Variants in CAMTA1 observed in about 807,000 individuals in gnomAD.
CAMTA1 encodes calmodulin-binding transcription activator 1.
CAMTA1 carries 27 observed loss-of-function variants against 170.9 expected under a neutral mutation model. That is an observed-to-expected ratio of 0.16 (90% CI 0.12 to 0.22). CAMTA1 has a LOEUF of 0.22. Ranked by LOEUF, CAMTA1 falls within the 10% of genes least tolerant of loss-of-function variation. CAMTA1 has a pLI of 1.00. For synonymous variants in CAMTA1, 833 were observed against 891.5 expected (o/e 0.93, Z 1.17); for missense variants, 1,619 against 2,217.2 (o/e 0.73, Z 5.42).
intron 6 of CAMTA1, among the ~76,000 whole-genome samples, chr1:7,509,631 T>C (rs1265261407): frequency 1.3e-5 from 2 of 152,180 alleles, no homozygotes; most frequent in Non-Finnish European, 2.9e-5. Context: ...AGAGTTTCCA[T>C]TATAAACCCC....
At chr1:7,450,793 G>A (rs975708544) in intron 5 of CAMTA1, among the ~76,000 whole-genome samples, 8 of 152,196 alleles carry the variant, frequency 5.3e-5, no homozygotes, top group East Asian at 3.9e-4. Flanking sequence ...TCTGGAGCCC[G>A]CGGACCCATC....
chr1:7,489,441 C>T (rs1226856168), intron 6 of CAMTA1, among the ~76,000 whole-genome samples: 1 of 152,156 alleles, frequency 6.6e-6, no homozygotes. Flanking sequence ...CATTGGCATG[C>T]AGGGCACTGG....
At chr1:6,851,845 C>G (rs947735439) in intron 3 of CAMTA1, among the ~76,000 whole-genome samples, 3 of 152,054 alleles carry the variant, frequency 2.0e-5, no homozygotes, top group Non-Finnish European at 4.4e-5. Flanking sequence ...GAAACCCTGT[C>G]TCTACTAAAA....
intron 3 of CAMTA1, among the ~76,000 whole-genome samples, chr1:7,062,803 C>A (rs1274729181): frequency 6.6e-6 from 1 of 152,232 alleles, no homozygotes; most frequent in Non-Finnish European, 1.5e-5. Flanking sequence ...CAGGCGGATC[C>A]TTCCTCGCCC....
rs1036377745 is a variant in CAMTA1 at position 7,641,249 on chromosome 1, G to C, written c.664+696G>C. On this transcript the variant is annotated intron_variant, in intron 7 of 22. Transcript: ENST00000303635. This position sits in a 1 kb window ranked among gnomAD's most constrained non-coding sequence, Gnocchi z 4.5. ...CTCGGGAAAAACAAACATGGGTCTG[G>C]GGCTTTCCTGACCCAAGAAGAGCAT... is the stretch of plus-strand genomic sequence containing the variant. Among the ~76,000 whole-genome samples the C allele has an allele frequency of 1.3e-5, 2 of 152,202 alleles. No individual in the cohort carries two copies. The highest frequency in any genetic ancestry group is 1.3e-4 in the Admixed American group (2 of 15,282).
chr1:7,585,612 C>T lies in CAMTA1; in HGVS notation c.511-54788C>T, dbSNP rs1158676762. 6.6e-6 allele frequency among the ~76,000 whole-genome samples: 1 copy of T among 152,150 alleles called. No individual in the cohort carries two copies. The highest frequency in any genetic ancestry group is 1.5e-5 in the Non-Finnish European group (1 of 68,024). The stretch of plus-strand genomic sequence containing the variant: ...GAAAGAACGTGAACATGGGATCACG[C>T]TGGCTACTGGTGCAGAGGGCAAGGG... On this transcript the variant is annotated intron_variant, in intron 6 of 22. Transcript: ENST00000303635. This position sits in a 1 kb window ranked among gnomAD's most constrained non-coding sequence, Gnocchi z 4.8.
chr1:7,223,074 C>G (rs976546173), intron 4 of CAMTA1, among the ~76,000 whole-genome samples: 1 of 152,372 alleles, frequency 6.6e-6, no homozygotes, highest in African/African-American at 2.4e-5. Flanking sequence ...CTCGCCCTTG[C>G]GGGCCACCCC....
At chr1:6,901,094 A>G (rs1017838950) in intron 3 of CAMTA1, among the ~76,000 whole-genome samples, 3 of 152,254 alleles carry the variant, frequency 2.0e-5, no homozygotes, top group African/African-American at 7.2e-5. Flanking sequence ...ATCCACACAT[A>G]GATGCTCAAT....
chr1:7,533,097 C>T (rs1020311247), intron 6 of CAMTA1, among the ~76,000 whole-genome samples: 7 of 152,288 alleles, frequency 4.6e-5, no homozygotes, highest in East Asian at 1.9e-4. Flanking sequence ...ATTCCTCCAG[C>T]GCTGTGGTGC....
intron 21 of CAMTA1, 132 bp from the exon 22 acceptor site, chr1:7,755,506 C>G: frequency 1.4e-6 from 1 of 738,258 alleles, no homozygotes; most frequent in Admixed American, 2.1e-5. Flanking sequence ...ACCCCACCAT[C>G]ACTCTCCTTT....
intron 3 of CAMTA1, among the ~76,000 whole-genome samples, chr1:6,941,097 G>A (rs1443131934): frequency 6.6e-6 from 1 of 152,058 alleles, no homozygotes; most frequent in Non-Finnish European, 1.5e-5. Context: ...GAAGTGCAGA[G>A]CAGGGATGGA....
chr1:7,560,322 C>T (rs556516897), intron 6 of CAMTA1, among the ~76,000 whole-genome samples: 3 of 152,318 alleles, frequency 2.0e-5, no homozygotes, highest in Admixed American at 1.3e-4. Context: ...GAGGCAGGTG[C>T]TGAGGCTCAC....
chr1:7,640,465 C>T lies in CAMTA1; in HGVS notation c.576C>T (p.Cys192=), dbSNP rs757970256. ...VPAIEDCGKP[C]GPILCSINTD... is the part of the protein sequence containing the mutation. ...CCATCGAGGACTGCGGCAAGCCTTG[C>T]GGCCCCATCCTCTGCTCCATCAACA... is the stretch of plus-strand genomic sequence containing the variant. The change falls in exon 7 of 23, where the codon TGC becomes TGT. Residue 192 remains cysteine, a synonymous_variant. Transcript: ENST00000303635. The T allele has an allele frequency of 6.3e-5, 101 of 1,614,070 alleles. No homozygotes were observed. The highest frequency in any genetic ancestry group is 8.1e-5 in the Non-Finnish European group (95 of 1,180,046).
chr1:7,221,040 A>G (rs1206647949), intron 4 of CAMTA1, among the ~76,000 whole-genome samples: 2 of 152,168 alleles, frequency 1.3e-5, no homozygotes, highest in African/African-American at 4.8e-5. Flanking sequence ...TGGGAGAGCC[A>G]GGGCAGCAAG....
chr1:7,747,204 G>A (rs1469928667), intron 18 of CAMTA1, among the ~76,000 whole-genome samples: 1 of 152,178 alleles, frequency 6.6e-6, no homozygotes, highest in African/African-American at 2.4e-5. Flanking sequence ...TAAAGCAGGG[G>A]TTTTCAACTG....
chr1:7,310,705 TC>T (rs1676544437), intron 5 of CAMTA1, among the ~76,000 whole-genome samples: 3 of 22,624 alleles, frequency 1.3e-4, no homozygotes, highest in Admixed American at 4.7e-4. Context: ...TCTCTCTCTT[TC>T]TTTCTTTCTT....
At chr1:6,991,932 C>T (rs1012942579) in intron 3 of CAMTA1, among the ~76,000 whole-genome samples, 2 of 152,088 alleles carry the variant, frequency 1.3e-5, no homozygotes, top group African/African-American at 4.8e-5. Flanking sequence ...AAACTCCTGG[C>T]CTCAAGTGAT....
intron 3 of CAMTA1, among the ~76,000 whole-genome samples, chr1:6,882,395 C>T (rs531065472): frequency 6.6e-6 from 1 of 152,224 alleles, no homozygotes; most frequent in East Asian, 1.9e-4. Flanking sequence ...GAGACTGTTG[C>T]AAGAACTGAT....
chr1:6,839,650 G>T (rs564870781), intron 3 of CAMTA1, among the ~76,000 whole-genome samples: 1 of 152,156 alleles, frequency 6.6e-6, no homozygotes, highest in African/African-American at 2.4e-5. Flanking sequence ...AGTAGATTTC[G>T]TAGGAAAGGC....
Sources: allele counts gnomAD v4.1 joint callset (sites outside exome capture counted in the v4.1 genomes callset), GRCh38; gene constraint gnomAD v4.1.1; non-coding constraint Gnocchi (gnomAD v3.1); transcripts MANE v1.5; gene names NCBI Gene and HGNC (gene_info 2026-07-23, HGNC 2026-07-21).